CALD1: variants seen among roughly 807,000 people sequenced by gnomAD.
CALD1 encodes the protein caldesmon.
In CALD1, 33 loss-of-function variants were observed where a neutral mutation model predicts 99.9. The observed-to-expected ratio is 0.33, with a 90% CI of 0.25 to 0.44. The LOEUF is 0.44. Ranked by LOEUF, CALD1 falls within the 20% of genes least tolerant of loss-of-function variation. CALD1 has a pLI of 1.00. For missense variants in CALD1, 861 were observed against 962.1 expected (o/e 0.89, Z 1.39); for synonymous variants, 310 against 325.0 (o/e 0.95, Z 0.50).
chr7:134,777,414 A>G (rs1263605094), upstream of CALD1, among the ~76,000 whole-genome samples: 1 of 152,204 alleles, frequency 6.6e-6, no homozygotes, highest in East Asian at 1.9e-4. Flanking sequence ...ACATAACCCA[A>G]AAATATTTAG....
chr7:134,897,935 C>T (rs1346391526), intron 3 of CALD1, among the ~76,000 whole-genome samples: 3 of 151,982 alleles, frequency 2.0e-5, no homozygotes, highest in Non-Finnish European at 2.9e-5. Context: ...TCTCAAACTC[C>T]TGGGCTCAAG....
intron 3 of CALD1, among the ~76,000 whole-genome samples, chr7:134,872,185 C>T (rs553572071): frequency 1.6e-4 from 24 of 152,074 alleles, no homozygotes; most frequent in Non-Finnish European, 5.9e-5. Flanking sequence ...GGAGAAACCC[C>T]GTCTGTACTA....
intron 13 of CALD1, 93 bp downstream of exon 13, chr7:134,960,721 C>A (rs947250355): frequency 3.0e-5 from 22 of 744,238 alleles, no homozygotes; most frequent in Admixed American, 2.5e-4. Flanking sequence ...CTAGGAATGG[C>A]AGTGCCCCTG....
chr7:134,802,822 G>A (rs952450631), intron 1 of CALD1, among the ~76,000 whole-genome samples: 24 of 152,308 alleles, frequency 1.6e-4, no homozygotes, highest in African/African-American at 4.6e-4. Context: ...TCAAATCTTC[G>A]TAAGTCAAGG....
At position 134,968,912 on chromosome 7, in the gene CALD1, A is replaced by G. The variant is rs1476821099; in HGVS notation, c.*567A>G. 5.5e-6 allele frequency: 1 copy of G among 180,766 alleles called. No individual in the cohort carries two copies. Among genetic ancestry groups the G allele is most frequent in the Admixed American group, 5.4e-5 (1 of 18,646 alleles). The allele number at this position is 180,766 out of a possible 1,614,324, so 11.2% of individuals were successfully genotyped here. A position where few individuals can be genotyped will look rare whatever the true frequency, so the allele number is the denominator to read the frequency against. ...GGTATTACTTTTTTTCATGCTGATG[A>G]TTCATATCTAAATTACATTATTATG... On this transcript the variant is annotated 3_prime_UTR_variant, in exon 15 of 15. Transcript: ENST00000361675.
rs574329642 is a variant in CALD1, at chr7:134,872,186, G to A, written c.71+4382G>A. Among the ~76,000 whole-genome samples, 8 of 152,130 alleles carry A rather than the reference G, an allele frequency of 5.3e-5. No homozygotes were observed. The South Asian group carries it at 8.3e-4, about 16-fold the overall frequency. On this transcript the variant is annotated intron_variant, in intron 3 of 14. Coordinates refer to ENST00000361675, the MANE Select transcript of CALD1 (RefSeq NM_033138.4). Reference sequence around the variant, plus strand: ...ACCCTGGCCAACATGGAGAAACCCCGTCTGTACTAAAAATACAAAAAGTAG... The same window carrying A: ...ACCCTGGCCAACATGGAGAAACCCCATCTGTACTAAAAATACAAAAAGTAG...
chr7:134,924,738 T>C (rs1400770489), intron 3 of CALD1, among the ~76,000 whole-genome samples: 2 of 152,222 alleles, frequency 1.3e-5, no homozygotes, highest in Non-Finnish European at 2.9e-5. Flanking sequence ...TTAGGCTTTG[T>C]GTCCCTACCC....
At chr7:134,851,137 A>G (rs1422880905) in intron 2 of CALD1, among the ~76,000 whole-genome samples, 1 of 152,172 alleles carries the variant, frequency 6.6e-6, no homozygotes, top group African/African-American at 2.4e-5. Context: ...TTTGAGTCTG[A>G]ATGCTCATAG....
chr7:134,726,219 G>A, the CALD1 span, among the ~76,000 whole-genome samples: 1 of 150,730 alleles, frequency 6.6e-6, no homozygotes, highest in Non-Finnish European at 1.5e-5. Context: ...AACACATAAG[G>A]AGAAGAAAAA....
In CALD1 at chr7:134,891,662, C is replaced by T. The variant is rs758959249; in HGVS notation, c.71+23858C>T. 5 of 1,606,602 alleles carry T rather than the reference C, an allele frequency of 3.1e-6. No individual in the cohort carries two copies. In the East Asian group the frequency reaches 6.7e-5, roughly 22 times the overall value. On this transcript the variant is annotated intron_variant, in intron 3 of 14. Transcript: ENST00000361675. ...GATCGCATGGAAGACGCAGCCTGGC[C>T]GCGCTCTCCCAGTGAGTCCTCATTT...
At chr7:134,850,390 T>C (rs1275943932) in intron 2 of CALD1, among the ~76,000 whole-genome samples, 1 of 152,174 alleles carries the variant, frequency 6.6e-6, no homozygotes, top group African/African-American at 2.4e-5. Context: ...GGGGCTGAGT[T>C]GCCTGGATGT....
chr7:134,941,196 A>C lies in CALD1; in HGVS notation c.1491A>C (p.Glu497Asp), dbSNP rs1395063285. The part of the protein sequence containing the change: ...GFTEVKSQNG[E>D]FMTHKLKHTE... ...CAGAAGTTAAGTCGCAGAATGGAGA[A>C]TTCATGACCCACAAACTTAAACATA... The change falls in exon 7 of 15, where the codon GAA (glutamate) becomes GAC (aspartate). Residue 497 changes from glutamate (E) to aspartate (D), a missense_variant. By Grantham distance (45) the Glu-to-Asp change is conservative. Coordinates refer to ENST00000361675, the MANE Select transcript of CALD1 (RefSeq NM_033138.4). 1.9e-6 allele frequency: 3 copies of C among 1,612,980 alleles called. No homozygotes were observed. In the Admixed American group the frequency reaches 5.0e-5, roughly 27 times the overall value.
intron 2 of CALD1, among the ~76,000 whole-genome samples, chr7:134,853,274 A>C (rs966554907): frequency 9.9e-5 from 15 of 152,156 alleles, no homozygotes; most frequent in African/African-American, 2.9e-4. Context: ...CCTATTTAGG[A>C]GAGAGAAGTG....
chr7:134,937,851 G>A (rs893240514), intron 6 of CALD1, among the ~76,000 whole-genome samples: 3 of 152,134 alleles, frequency 2.0e-5, no homozygotes, highest in Non-Finnish European at 4.4e-5. Context: ...AGTTGCAGAC[G>A]ATCACCAACA....
the CALD1 span, among the ~76,000 whole-genome samples, chr7:134,716,896 G>A: frequency 4.6e-3 from 695 of 152,204 alleles, 6 homozygotes; most frequent in African/African-American, 0.016. Context: ...ACTGGTCTTC[G>A]ATTTTTTGTG....
In CALD1 at chr7:134,858,033, T is replaced by C. The variant is rs1800392302; in HGVS notation, c.-41-9660T>C. Among the ~76,000 whole-genome samples, 3 of 151,972 alleles carry C rather than the reference T, an allele frequency of 2.0e-5. No individual in the cohort carries two copies. In the South Asian group the frequency reaches 6.2e-4, roughly 31 times the overall value. On this transcript the variant is annotated intron_variant, in intron 2 of 14. Transcript: ENST00000361675. ...TGTATCACTAAACTGGAAGTGTTAGTTGAACAAACCAGTCACAAAAAGCAG... is the reference window on the plus strand; with the variant it reads ...TGTATCACTAAACTGGAAGTGTTAGCTGAACAAACCAGTCACAAAAAGCAG...
At chr7:134,879,495 A>G (rs1332878532) in intron 3 of CALD1, among the ~76,000 whole-genome samples, 1 of 152,208 alleles carries the variant, frequency 6.6e-6, no homozygotes, top group Non-Finnish European at 1.5e-5. Flanking sequence ...TTTATAAATA[A>G]AGTCTTTGGT....
rs1808891208 is a variant in CALD1 at position 134,969,266 on chromosome 7, G to C, written c.*921G>C. The stretch of plus-strand genomic sequence containing the variant: ...TAAGAAGAAAGTATTGAAAAGAAGA[G>C]AGATTAGAACTGTTAGAAGGAGTTG... On this transcript the variant is annotated 3_prime_UTR_variant, in exon 15 of 15. Coordinates refer to ENST00000361675, the MANE Select transcript of CALD1 (RefSeq NM_033138.4). 1 of 152,214 alleles carries C rather than the reference G, an allele frequency of 6.6e-6. No individual in the cohort carries two copies. The highest frequency in any genetic ancestry group is 2.4e-5 in the African/African-American group (1 of 41,442). 9.4% of individuals were successfully genotyped at this position (152,214 alleles called of 1,614,324 possible). A position where few individuals can be genotyped will look rare whatever the true frequency, so the allele number is the denominator to read the frequency against.
intron 3 of CALD1, among the ~76,000 whole-genome samples, chr7:134,901,114 C>T (rs1802962327): frequency 6.6e-6 from 1 of 151,534 alleles, no homozygotes; most frequent in East Asian, 1.9e-4. Flanking sequence ...TACTACTTTT[C>T]CTGGTGGGCC....
Sources: gnomAD v4.1 joint callset for allele counts (sites outside exome capture counted in the v4.1 genomes callset) on GRCh38, gnomAD v4.1.1 for gene constraint, MANE v1.5 for transcripts, NCBI Gene and HGNC (gene_info 2026-07-23, HGNC 2026-07-21) for gene names.